Variants in MIR2052HG observed in about 807,000 individuals in gnomAD.
MIR2052HG encodes the protein MIR2052 host gene.
At chr8:74,748,094 C>G (rs28478781) in intron 4 of MIR2052HG, among the ~76,000 whole-genome samples, 1 of 151,996 alleles carries the variant, frequency 6.6e-6, no homozygotes, top group African/African-American at 2.4e-5. Flanking sequence ...ATTTTATGGC[C>G]TTTGTTTTTT....
At chr8:74,693,031 A>G (rs1038856491) in intron 2 of MIR2052HG, among the ~76,000 whole-genome samples, 1 of 152,244 alleles carries the variant, frequency 6.6e-6, no homozygotes, top group East Asian at 1.9e-4. Flanking sequence ...GAGGGAGCAC[A>G]TTTAATCTGT....
chr8:74,713,823 C>T (rs1264544245), intron 4 of MIR2052HG, among the ~76,000 whole-genome samples: 1 of 152,036 alleles, frequency 6.6e-6, no homozygotes, highest in Admixed American at 6.6e-5. Flanking sequence ...CTTATATGAA[C>T]ACACTTTCAG....
chr8:74,714,237 A>G (rs139857567), intron 4 of MIR2052HG, among the ~76,000 whole-genome samples: 89 of 152,282 alleles, frequency 5.8e-4, no homozygotes, highest in African/African-American at 1.9e-3. Context: ...CTGTTTTCCA[A>G]TCAGATAGGG....
At chr8:74,725,649 T>G (rs1352726418) in intron 4 of MIR2052HG, among the ~76,000 whole-genome samples, 2 of 152,160 alleles carry the variant, frequency 1.3e-5, no homozygotes, top group East Asian at 3.9e-4. Flanking sequence ...CATCCCAGGG[T>G]TCCCACATTT....
intron 4 of MIR2052HG, among the ~76,000 whole-genome samples, chr8:74,736,922 G>GGGTCT (rs1809749510): frequency 6.6e-6 from 1 of 152,164 alleles, no homozygotes; most frequent in Non-Finnish European, 1.5e-5. Context: ...CAGGAGAATA[G>GGGTCT]GGTCTGCAGA....
chr8:74,719,146 T>C (rs1301929340), intron 4 of MIR2052HG, among the ~76,000 whole-genome samples: 1 of 151,790 alleles, frequency 6.6e-6, no homozygotes, highest in Non-Finnish European at 1.5e-5. Context: ...ACCCATCCAA[T>C]TGTTTCAGGT....
At chr8:74,612,937 G>A in exon 2 of MIR2052HG, 1 of 456,270 alleles carries the variant, frequency 2.2e-6, no homozygotes, top group Non-Finnish European at 4.4e-6. Flanking sequence ...AACTGGAGTG[G>A]AAGGTGGGAA....
intron 2 of MIR2052HG, among the ~76,000 whole-genome samples, chr8:74,615,347 A>G (rs1808264444): frequency 1.3e-5 from 2 of 152,200 alleles, no homozygotes; most frequent in Admixed American, 1.3e-4. Flanking sequence ...AGATCCTTTC[A>G]TAGAATCAAA....
At chr8:74,692,739 G>A (rs1180013783) in intron 2 of MIR2052HG, among the ~76,000 whole-genome samples, 6 of 152,242 alleles carry the variant, frequency 3.9e-5, no homozygotes, top group African/African-American at 1.4e-4. Context: ...GCTTGCCTAA[G>A]GCATTAAAGT....
intron 2 of MIR2052HG, among the ~76,000 whole-genome samples, chr8:74,671,135 T>A (rs1440116325): frequency 6.6e-6 from 1 of 151,838 alleles, no homozygotes; most frequent in Non-Finnish European, 1.5e-5. Context: ...TGTGTGTGTG[T>A]GTAGGTGGTG....
chr8:74,720,740 T>C (rs770004444), intron 4 of MIR2052HG, among the ~76,000 whole-genome samples: 12 of 152,130 alleles, frequency 7.9e-5, no homozygotes, highest in African/African-American at 1.2e-4. Context: ...GGGGGCGGTG[T>C]GTGTGTATGT....
intron 2 of MIR2052HG, among the ~76,000 whole-genome samples, chr8:74,668,026 G>GAA (rs36064268): frequency 6.4e-5 from 9 of 140,114 alleles, no homozygotes; most frequent in African/African-American, 2.3e-4. Flanking sequence ...GACTGGAATG[G>GAA]AAAAAAAAAA....
At chr8:74,739,291 C>A (rs2128755586) in intron 4 of MIR2052HG, among the ~76,000 whole-genome samples, 1 of 152,234 alleles carries the variant, frequency 6.6e-6, no homozygotes, top group African/African-American at 2.4e-5. Flanking sequence ...TGCTTTGTAT[C>A]CATCCAAGTT....
rs190693963 is a variant in MIR2052HG, at chr8:74,728,292, G to T, written n.372-24149G>T. 1.8e-3 allele frequency among the ~76,000 whole-genome samples: 278 copies of T among 152,312 alleles called. No homozygotes were observed. In the Middle Eastern group the frequency reaches 0.02, roughly 11 times the overall value. ...CTTAGGTTAAGATACCTCACAAGCT[G>T]ATTTGGTCTTCTTTCCTCGGCTTCA... On this transcript the variant is annotated intron_variant and non_coding_transcript_variant, in intron 4 of 6. Transcript: ENST00000523442.
At chr8:74,604,417 G>T (rs563292811) in intron 1 of MIR2052HG, among the ~76,000 whole-genome samples, 1 of 133,966 alleles carries the variant, frequency 7.5e-6, no homozygotes, top group South Asian at 2.6e-4. Context: ...GGGAAGGTGA[G>T]GGGGGGCCCC....
At position 74,603,474 on chromosome 8, in the gene MIR2052HG, C is replaced by G. The variant is rs559429676; in HGVS notation, n.128+3566C>G. 54 of 1,599,928 alleles carry G rather than the reference C, an allele frequency of 3.4e-5. 1 individual carries two copies. The African/African-American group carries it at 5.2e-4, about 15-fold the overall frequency. The stretch of plus-strand genomic sequence containing the variant: ...TCTCATTTATTTTGGCGCCTTGACG[C>G]CCGATTATGCAGCCAATCAAATCGT... On this transcript the variant is annotated intron_variant and non_coding_transcript_variant, in intron 1 of 6. Coordinates refer to ENST00000523442, the Ensembl canonical transcript of MIR2052HG.
At chr8:74,685,101 T>C (rs979631399) in intron 2 of MIR2052HG, among the ~76,000 whole-genome samples, 1 of 152,102 alleles carries the variant, frequency 6.6e-6, no homozygotes, top group African/African-American at 2.4e-5. Context: ...AACAGTTATG[T>C]GAAAGTTTTA....
chr8:74,707,975 C>T (rs981659974), intron 4 of MIR2052HG, among the ~76,000 whole-genome samples: 2 of 151,898 alleles, frequency 1.3e-5, no homozygotes, highest in African/African-American at 2.4e-5. Context: ...TGGAAGAAGA[C>T]AAGATGAAAG....
Position 74,746,419 on chromosome 8 carries a change from G to A in MIR2052HG, n.372-6022G>A, listed in dbSNP as rs894296911. Among the ~76,000 whole-genome samples the A allele has an allele frequency of 2.6e-5, 4 of 152,124 alleles. No homozygotes were observed. The East Asian group carries it at 7.7e-4, about 29-fold the overall frequency. On this transcript the variant is annotated intron_variant and non_coding_transcript_variant, in intron 4 of 6. Transcript: ENST00000523442. ...TAGAATGATAAATAGTCCAGCCCTA[G>A]ACGTCATTGAGCACACCCTCAGTGA...
Sources: gnomAD v4.1 joint callset for allele counts (sites outside exome capture counted in the v4.1 genomes callset) on GRCh38, gnomAD v4.1.1 for gene constraint, MANE v1.5 for transcripts, NCBI Gene and HGNC (gene_info 2026-07-23, HGNC 2026-07-21) for gene names.